ELOF1: variants seen among roughly 807,000 people sequenced by gnomAD.
The protein encoded by ELOF1 is transcription elongation factor 1 homolog.
In ELOF1, 4 loss-of-function variants were observed where a neutral mutation model predicts 7.1. The observed-to-expected ratio is 0.56, with a 90% CI of 0.28 to 1.29. ELOF1 has a LOEUF of 1.29. Among genes scored for constraint, ELOF1 ranks in the 50% most tolerant of loss-of-function variants. The pLI is 0.10. For missense variants in ELOF1, 59 were observed against 86.3 expected (o/e 0.68, Z 1.25); for synonymous variants, 31 against 31.9 (o/e 0.97, Z 0.09).
exon 2 of ELOF1, chr19:11,554,254 C>T (rs1314367685): frequency 2.5e-6 from 4 of 1,613,636 alleles, no homozygotes; most frequent in African/African-American, 2.7e-5. Context: ...CAGGATTTCT[C>T]GTGGTTGCAG....
At position 11,553,818 on chromosome 19, in the gene ELOF1, A is replaced by C. The variant is rs1972779889; in HGVS notation, c.187+193T>G. 1 of 1,614,168 alleles carries C rather than the reference A, an allele frequency of 6.2e-7. No individual in the cohort carries two copies. On this transcript the variant is annotated intron_variant, in intron 3 of 3. Transcript: ENST00000586683. ...CCACGGGTTCTGACAGATCTGGGCCACTTAGGTCAAGGGCGATCATTGGCA... is the reference window on the plus strand; with the variant it reads ...CCACGGGTTCTGACAGATCTGGGCCCCTTAGGTCAAGGGCGATCATTGGCA...
At chr19:11,558,440 C>CA in intron 1 of ELOF1, among the ~76,000 whole-genome samples, 1 of 151,836 alleles carries the variant, frequency 6.6e-6, no homozygotes, top group Non-Finnish European at 1.5e-5. Context: ...ATAAATCACT[C>CA]AATCAGTTTG....
intron 1 of ELOF1, among the ~76,000 whole-genome samples, chr19:11,557,511 G>C (rs1194428994): frequency 7.0e-6 from 1 of 143,594 alleles, no homozygotes; most frequent in Non-Finnish European, 1.5e-5. Flanking sequence ...CAGGAGAATC[G>C]CTTGAACCTG....
chr19:11,554,779 A>C (rs1972803879), intron 1 of ELOF1: 1 of 177,068 alleles, frequency 5.6e-6, no homozygotes, highest in Non-Finnish European at 1.2e-5. Context: ...TCATCTCTAA[A>C]AAAAAAAAAT....
chr19:11,554,516 A>G, intron 1 of ELOF1, 151 bp from the exon 2 acceptor site: 1 of 1,132,496 alleles, frequency 8.8e-7, no homozygotes, highest in Non-Finnish European at 1.2e-6. Context: ...GTCCTGATGC[A>G]GGAGGACAAT....
intron 2 of ELOF1, 21 bp downstream of exon 2, chr19:11,554,211 C>T: frequency 6.2e-7 from 1 of 1,612,932 alleles, no homozygotes; most frequent in Non-Finnish European, 8.5e-7. Context: ...GGCTGGATCC[C>T]TTGCCCTGTT....
At chr19:11,553,734 T>A in intron 3 of ELOF1, 2 of 1,613,940 alleles carry the variant, frequency 1.2e-6, no homozygotes, top group African/African-American at 1.3e-5. Context: ...AGGGGGCGGG[T>A]CCTCTGTGTC....
Position 11,553,600 on chromosome 19 carries a change from C to T in ELOF1, c.187+411G>A, listed in dbSNP as rs951331014. 6.4e-5 allele frequency: 36 copies of T among 562,358 alleles called. 1 individual carries two copies. In the African/African-American group the frequency reaches 2.1e-3, roughly 33 times the overall value. 34.8% of individuals were successfully genotyped at this position (562,358 alleles called of 1,614,324 possible). ...CACCCACTACACACACACACACACA[C>T]ACACACACACACACACACACACACA... On this transcript the variant is annotated intron_variant, in intron 3 of 3. Coordinates refer to ENST00000586683, the Ensembl canonical transcript of ELOF1.
At position 11,554,425 on chromosome 19, in the gene ELOF1, C is replaced by A. The variant is rs1972796588; in HGVS notation, c.-18-60G>T. On this transcript the variant is annotated intron_variant, in intron 1 of 3. Coordinates refer to ENST00000586683, the Ensembl canonical transcript of ELOF1. The stretch of plus-strand genomic sequence containing the variant: ...AACCACGCAGCGCCCCAGCTCAATG[C>A]TCTAGAAAGCAGGCCGGAAAGAGGG... 8 of 1,571,478 alleles carry A rather than the reference C, an allele frequency of 5.1e-6. No homozygotes were observed. In the East Asian group the frequency reaches 1.6e-4, roughly 31 times the overall value.
chr19:11,554,488 T>C, intron 1 of ELOF1, 123 bp from the exon 2 acceptor site: 3 of 1,387,090 alleles, frequency 2.2e-6, no homozygotes, highest in East Asian at 2.5e-5. Context: ...CCTCTGCCCT[T>C]GAGGGACGAG....
intron 1 of ELOF1, among the ~76,000 whole-genome samples, chr19:11,557,391 T>C (rs1032204947): frequency 6.0e-5 from 9 of 150,390 alleles, no homozygotes; most frequent in African/African-American, 2.2e-4. Flanking sequence ...AGGTTAGGAG[T>C]TGGAGACCAG....
intron 1 of ELOF1, among the ~76,000 whole-genome samples, chr19:11,558,550 T>C (rs1972867194): frequency 6.6e-6 from 1 of 151,836 alleles, no homozygotes; most frequent in Admixed American, 6.6e-5. Flanking sequence ...CAGACCAGCC[T>C]GGGAAACAGA....
intron 1 of ELOF1, 141 bp from the exon 2 acceptor site, chr19:11,554,506 G>A (rs1434687022): frequency 1.1e-5 from 13 of 1,199,326 alleles, no homozygotes; most frequent in African/African-American, 1.5e-5. Context: ...GAGGCCCTCA[G>A]TCCTGATGCA....
chr19:11,554,201 G>A (rs768375595), intron 2 of ELOF1, 31 bp downstream of exon 2: 2 of 1,613,144 alleles, frequency 1.2e-6, no homozygotes, highest in South Asian at 1.1e-5. Flanking sequence ...GCAGTGGGGA[G>A]GCTGGATCCC....
chr19:11,554,495 C>T (rs916657954), intron 1 of ELOF1, 130 bp from the exon 2 acceptor site: 19 of 1,330,216 alleles, frequency 1.4e-5, no homozygotes, highest in East Asian at 5.0e-5. Context: ...CCTTGAGGGA[C>T]GAGGCCCTCA....
At chr19:11,554,907 T>C (rs1599619421) in intron 1 of ELOF1, 1 of 148,142 alleles carries the variant, frequency 6.8e-6, no homozygotes, top group Admixed American at 6.9e-5. Context: ...AGAGTTATGA[T>C]CCAGGCACTG....
chr19:11,553,373 G>C (rs1427562181), intron 3 of ELOF1: 2 of 455,298 alleles, frequency 4.4e-6, no homozygotes, highest in Non-Finnish European at 7.8e-6. Flanking sequence ...ATTCCGCCGG[G>C]GGGAGCCAGA....
intron 1 of ELOF1, among the ~76,000 whole-genome samples, chr19:11,558,093 C>T (rs764527786): frequency 2.0e-5 from 3 of 152,134 alleles, no homozygotes; most frequent in Non-Finnish European, 4.4e-5. Flanking sequence ...AAACCAAGCC[C>T]CTGACATTGC....
intron 1 of ELOF1, among the ~76,000 whole-genome samples, chr19:11,557,025 C>T (rs1291449115): frequency 1.3e-5 from 2 of 152,178 alleles, no homozygotes; most frequent in South Asian, 2.1e-4. Context: ...ACTCTTCATC[C>T]TCTTCCAGCT....
Sources: gnomAD v4.1 joint callset for allele counts (sites outside exome capture counted in the v4.1 genomes callset) on GRCh38, gnomAD v4.1.1 for gene constraint, MANE v1.5 for transcripts, NCBI Gene and HGNC (gene_info 2026-07-23, HGNC 2026-07-21) for gene names.